Variants in TTLL11 observed in about 807,000 individuals in gnomAD.
TTLL11 encodes tubulin tyrosine ligase like 11.
Under a neutral mutation model 51.7 loss-of-function variants are expected in TTLL11, and 42 were observed. The observed-to-expected ratio is 0.81, with a 90% CI of 0.64 to 1.05. TTLL11 has a LOEUF of 1.05. Among genes scored for constraint, TTLL11 ranks in the 50% least tolerant of loss-of-function variants. The probability of loss-of-function intolerance (pLI) is 0.00; values close to 1 mark genes in which losing one functional copy is unlikely to be tolerated. For synonymous variants in TTLL11, 381 were observed against 383.5 expected, an observed-to-expected ratio of 0.99 and a Z score of 0.08; for missense variants, 799 against 940.4, an observed-to-expected ratio of 0.85 and a Z score of 1.97.
Position 121,951,314 on chromosome 9 carries a change from T to C in TTLL11, c.1481+22695A>G, listed in dbSNP as rs370103699. On this transcript the variant is annotated intron_variant, in intron 6 of 8. Transcript: ENST00000321582. ...GCTTGTGGATCTTTTTTGTAAGAGC[T>C]GACAGAAAAGACATGCATAACAAGC... Among the ~76,000 whole-genome samples the C allele has an allele frequency of 1.5e-4, 23 of 152,172 alleles. 1 individual carries two copies. Among genetic ancestry groups the C allele is most frequent in the Middle Eastern group, 3.2e-3 (1 of 316 alleles).
At chr9:121,828,726 C>T (rs920513347) in intron 8 of TTLL11, among the ~76,000 whole-genome samples, 5 of 151,894 alleles carry the variant, frequency 3.3e-5, no homozygotes, top group Admixed American at 3.3e-4. Context: ...ACAATAAAAC[C>T]CTTGGGACCT....
chr9:122,086,965 G>C (rs1846143563), intron 1 of TTLL11, among the ~76,000 whole-genome samples: 1 of 152,222 alleles, frequency 6.6e-6, no homozygotes. Context: ...GATGATAATA[G>C]AATAACTCCT....
chr9:121,949,696 C>T (rs1841791209), intron 6 of TTLL11, among the ~76,000 whole-genome samples: 1 of 151,958 alleles, frequency 6.6e-6, no homozygotes, highest in Non-Finnish European at 1.5e-5. Context: ...ATCAGTCTGC[C>T]CAGTGGCAGC....
intron 6 of TTLL11, among the ~76,000 whole-genome samples, chr9:121,901,399 G>T (rs540339478): frequency 6.6e-6 from 1 of 152,028 alleles, no homozygotes; most frequent in South Asian, 2.1e-4. Context: ...AATTCTTAGT[G>T]TTCCAGGCTT....
chr9:122,086,446 T>A (rs1024736921), intron 1 of TTLL11, among the ~76,000 whole-genome samples: 2 of 152,162 alleles, frequency 1.3e-5, no homozygotes, highest in African/African-American at 2.4e-5. Flanking sequence ...GCTTTTTTTT[T>A]AAATGGGCAG....
At position 121,974,988 on chromosome 9, in the gene TTLL11, G is replaced by A; in HGVS notation, c.1270-9C>T. On this transcript the variant is annotated splice_polypyrimidine_tract_variant and intron_variant, in intron 4 of 8. Coordinates refer to ENST00000321582, the MANE Select transcript of TTLL11 (RefSeq NM_001139442.2). ...ATGTCAAAGCCTAAAATCTGGGCAG[G>A]ATAAACACAATTCAGAATTACTGTC... is the stretch of plus-strand genomic sequence containing the variant. The A allele has an allele frequency of 6.6e-7, 1 of 1,521,106 alleles. No individual in the cohort carries two copies. Among genetic ancestry groups the A allele is most frequent in the South Asian group, 1.3e-5 (1 of 78,974 alleles). The allele number at this position is 1,521,106 out of a possible 1,614,324, so 94.2% of individuals were successfully genotyped here.
intron 6 of TTLL11, among the ~76,000 whole-genome samples, chr9:121,956,306 T>C (rs1035931689): frequency 6.6e-6 from 1 of 152,244 alleles, no homozygotes; most frequent in Non-Finnish European, 1.5e-5. Flanking sequence ...TAAGATGGTG[T>C]GATTGTTCCC....
chr9:122,010,507 G>A (rs1210591013), intron 3 of TTLL11, among the ~76,000 whole-genome samples: 2 of 152,162 alleles, frequency 1.3e-5, no homozygotes, highest in Admixed American at 1.3e-4. Flanking sequence ...CAACAGCAGA[G>A]CTGAGTATTT....
chr9:121,976,644 A>T (rs756799573), intron 4 of TTLL11, among the ~76,000 whole-genome samples: 1 of 152,188 alleles, frequency 6.6e-6, no homozygotes, highest in Non-Finnish European at 1.5e-5. Context: ...TAGTTAAATG[A>T]TAATTATTAA....
chr9:121,949,568 A>G (rs1166917988), intron 6 of TTLL11, among the ~76,000 whole-genome samples: 1 of 152,160 alleles, frequency 6.6e-6, no homozygotes, highest in Non-Finnish European at 1.5e-5. Flanking sequence ...AGATGAGTCA[A>G]GTGACCTGCC....
At position 121,867,028 on chromosome 9, in the gene TTLL11, T is replaced by C. The variant is rs7043083; in HGVS notation, c.1733+3469A>G. On this transcript the variant is annotated intron_variant, in intron 7 of 8. Transcript: ENST00000321582. ...TCACATAGAGACAGATTTGTGGCTA[T>C]ATTTTTGACCTCGCCTGGTTCCAAT... Among the ~76,000 whole-genome samples the C allele has an allele frequency of 9.5e-3, 1,449 of 152,320 alleles. 22 individuals carry two copies. Among genetic ancestry groups the C allele is most frequent in the African/African-American group, 0.031 (1,276 of 41,556 alleles).
chr9:121,882,917 T>C (rs753839726), intron 6 of TTLL11, among the ~76,000 whole-genome samples: 6 of 152,220 alleles, frequency 3.9e-5, no homozygotes, highest in Non-Finnish European at 8.8e-5. Flanking sequence ...TGATAGACTC[T>C]GAGTTTGCCA....
intron 6 of TTLL11, among the ~76,000 whole-genome samples, chr9:121,902,564 C>T (rs78337402): frequency 0.017 from 2,597 of 151,880 alleles, 31 homozygotes; most frequent in Middle Eastern, 0.038. Context: ...TATGCTTGAT[C>T]TGTTTAGCCT....
intron 6 of TTLL11, among the ~76,000 whole-genome samples, chr9:121,951,624 G>T (rs533067064): frequency 6.6e-6 from 1 of 152,126 alleles, no homozygotes; most frequent in Non-Finnish European, 1.5e-5. Flanking sequence ...TACAGGCAAG[G>T]TTTAACAAAG....
At chr9:121,955,093 A>G (rs936992583) in intron 6 of TTLL11, among the ~76,000 whole-genome samples, 4 of 152,186 alleles carry the variant, frequency 2.6e-5, no homozygotes, top group Non-Finnish European at 4.4e-5. Flanking sequence ...ATGAAAATCT[A>G]TGGAGCCCAT....
chr9:122,066,622 G>A (rs1444816805), intron 1 of TTLL11, among the ~76,000 whole-genome samples: 1 of 152,198 alleles, frequency 6.6e-6, no homozygotes, highest in Non-Finnish European at 1.5e-5. Flanking sequence ...AGCTTAGAGA[G>A]GCCACAGAAT....
At position 121,841,455 on chromosome 9, in the gene TTLL11, AG is replaced by A. The variant is rs1837343708; in HGVS notation, c.1841-18577del. On this transcript the variant is annotated intron_variant, in intron 8 of 8. Coordinates refer to ENST00000321582, the MANE Select transcript of TTLL11 (RefSeq NM_001139442.2). Reference sequence around the variant, plus strand: ...GGTTCTCTGAGGCTGCGCTTATGTAAGGCTTCCTCCTCCCTTCGCAGATGTG... The same window carrying A: ...GGTTCTCTGAGGCTGCGCTTATGTAAGCTTCCTCCTCCCTTCGCAGATGTG... Among the ~76,000 whole-genome samples, 3 of 152,268 alleles carry A rather than the reference AG, an allele frequency of 2.0e-5. No individual in the cohort carries two copies. The South Asian group carries it at 6.2e-4, about 32-fold the overall frequency.
chr9:121,870,969 C>T (rs1312120466), intron 6 of TTLL11, among the ~76,000 whole-genome samples: 2 of 152,110 alleles, frequency 1.3e-5, no homozygotes, highest in South Asian at 2.1e-4. Context: ...TGTATCCTTC[C>T]TCCTTCCACC....
chr9:121,911,286 A>G (rs950596896), intron 6 of TTLL11, among the ~76,000 whole-genome samples: 1 of 151,908 alleles, frequency 6.6e-6, no homozygotes, highest in African/African-American at 2.4e-5. Flanking sequence ...AATCCCAGCT[A>G]CTCTGGAGGC....
Sources: gnomAD v4.1 joint callset for allele counts (sites outside exome capture counted in the v4.1 genomes callset) on GRCh38, gnomAD v4.1.1 for gene constraint, MANE v1.5 for transcripts, NCBI Gene and HGNC (gene_info 2026-07-23, HGNC 2026-07-21) for gene names.